BAIAP3: variants seen among roughly 807,000 people sequenced by gnomAD.
The protein encoded by BAIAP3 is BAI1 associated protein 3, also known as BAI1-associated protein 3.
BAIAP3 carries 180 observed loss-of-function variants against 149.7 expected under a neutral mutation model. The observed-to-expected ratio is 1.20, with a 90% CI of 1.07 to 1.36. BAIAP3 has a LOEUF of 1.36. Ranked by LOEUF, BAIAP3 falls within the 40% of genes most tolerant of loss-of-function variation. The probability of loss-of-function intolerance (pLI) is 0.00; values close to 1 mark genes in which losing one functional copy is unlikely to be tolerated. For synonymous variants in BAIAP3, 845 were observed against 670.7 expected (o/e 1.26, Z -4.02); for missense variants, 1,767 against 1,563.4 (o/e 1.13, Z -2.20).
intron 14 of BAIAP3, 110 bp from the exon 15 acceptor site, chr16:1,343,283 C>T (rs1443124816): frequency 6.9e-7 from 1 of 1,449,642 alleles, no homozygotes; most frequent in Non-Finnish European, 9.3e-7. Context: ...TGAGTAGGCG[C>T]GGCAGTGCTG....
chr16:1,340,061 A>ATG (rs2033786574), intron 5 of BAIAP3, among the ~76,000 whole-genome samples: 1 of 146,988 alleles, frequency 6.8e-6, no homozygotes, highest in African/African-American at 2.6e-5. Context: ...GTGCACACAG[A>ATG]CACGCACACA....
At chr16:1,345,632 ACCCCAGCCT>A (rs2034290213) in intron 22 of BAIAP3, 106 bp from the exon 23 acceptor site, 4 of 480,130 alleles carry the variant, frequency 8.3e-6, no homozygotes, top group Middle Eastern at 7.0e-4. Flanking sequence ...CTCCCCCACA[ACCCCAGCCT>A]CCCCGGCCTC....
intron 21 of BAIAP3, 33 bp from the exon 22 acceptor site, chr16:1,345,216 C>A: frequency 1.9e-6 from 3 of 1,611,014 alleles, no homozygotes; most frequent in South Asian, 1.1e-5. Flanking sequence ...GTGTCTGAGT[C>A]AGGGCCGAGC....
chr16:1,338,529 C>G lies in BAIAP3; in HGVS notation c.-10-11C>G, dbSNP rs759415446. The G allele has an allele frequency of 4.2e-6, 6 of 1,424,820 alleles. No individual in the cohort carries two copies. In the African/African-American group the frequency reaches 5.8e-5, roughly 14 times the overall value. 88.3% of individuals were successfully genotyped at this position (1,424,820 alleles called of 1,614,324 possible). On this transcript the variant is annotated splice_polypyrimidine_tract_variant and intron_variant, in intron 1 of 33. Coordinates refer to ENST00000426824, the MANE Select transcript of BAIAP3 (RefSeq NM_001199097.2). ...ACGACCTGAGGCTGCGGGCTGTGCT[C>G]TCTGCTGTAGGTCACCCGCCATGTC...
At chr16:1,348,067 C>T (rs771142751) in intron 32 of BAIAP3, 29 bp from the exon 33 acceptor site, 58 of 1,474,336 alleles carry the variant, frequency 3.9e-5, no homozygotes, top group South Asian at 3.9e-4. Flanking sequence ...GCTGCCGGAG[C>T]GAGACTCCCG....
Position 1,340,980 on chromosome 16 carries a change from A to AG in BAIAP3, c.468+1dup. The AG allele has an allele frequency of 6.3e-7, 1 of 1,598,238 alleles. No individual in the cohort carries two copies. The highest frequency in any genetic ancestry group is 8.5e-7 in the Non-Finnish European group (1 of 1,173,114). ...GCCATCGAGCGAGTGAGGAAGGCCAAGGTGAGGCCGCCACTGCCTGGGCAG... is the reference window on the plus strand; with the variant it reads ...GCCATCGAGCGAGTGAGGAAGGCCAAGGGTGAGGCCGCCACTGCCTGGGCAG... On this transcript the variant is annotated frameshift_variant and splice_region_variant, in exon 6 of 34. Transcript: ENST00000426824. LOFTEE classifies it high-confidence loss of function.
Position 1,348,307 on chromosome 16 carries a change from T to C in BAIAP3, c.3355+6T>C, listed in dbSNP as rs2034532441. On this transcript the variant is annotated splice_donor_region_variant and intron_variant, in intron 33 of 33. Transcript: ENST00000426824. ...GTGCCGGCCCAGAGCCCAGGGTGAG[T>C]GAGCATCTGGGTGGAGGCAGGGGCA... 1 of 1,601,714 alleles carries C rather than the reference T, an allele frequency of 6.2e-7. No homozygotes were observed. The highest frequency in any genetic ancestry group is 8.5e-7 in the Non-Finnish European group (1 of 1,174,496).
In BAIAP3 at chr16:1,346,009, C is replaced by T; in HGVS notation, c.2232C>T (p.Phe744=). The T allele has an allele frequency of 1.2e-6, 2 of 1,610,774 alleles. No homozygotes were observed. Among genetic ancestry groups the T allele is most frequent in the South Asian group, 1.1e-5 (1 of 90,678 alleles). ...LGQDVCEATL[F]YTELLRKKVD... is the part of the protein sequence containing the mutation. ...AGGACGTGTGTGAGGCCACCCTCTT[C>T]TATACGGAGCTGCTTCGGAAGAAGG... The change falls in exon 24 of 34, where the codon TTC becomes TTT. Residue 744 remains phenylalanine, a synonymous_variant. Transcript: ENST00000426824.
rs747166530 is a variant in BAIAP3, at chr16:1,347,624, A to T, written c.2903A>T (p.Gln968Leu). 6.2e-7 allele frequency: 1 copy of T among 1,612,976 alleles called. No homozygotes were observed. Among genetic ancestry groups the T allele is most frequent in the South Asian group, 1.1e-5 (1 of 91,088 alleles). ...IEQFYLDKLK[Q>L]RTLEQNRFGR... The stretch of plus-strand genomic sequence containing the variant: ...CAGTTCTACCTGGACAAGCTCAAAC[A>T]GGTAGGGAGGCGCCAGGGACAGGGT... Residue 968 changes from glutamine (Q) to leucine (L), a missense_variant and splice_region_variant, in exon 30 of 34, where the codon CAG (glutamine) becomes CTG (leucine). Gln to Leu is a moderately radical substitution (Grantham distance 113, BLOSUM62 -2). Coordinates refer to ENST00000426824, the MANE Select transcript of BAIAP3 (RefSeq NM_001199097.2).
rs995587972 is a variant in BAIAP3 at position 1,342,125 on chromosome 16, C to T, written c.855-56C>T. The stretch of plus-strand genomic sequence containing the variant: ...CCCTCAGCTTGGTCATGGGGCCCGG[C>T]GGGCAGTGGCTCCCCAGGAGCCATC... On this transcript the variant is annotated intron_variant, in intron 10 of 33. Transcript: ENST00000426824. 1.0e-5 allele frequency: 16 copies of T among 1,567,172 alleles called. No homozygotes were observed. The highest frequency in any genetic ancestry group is 3.5e-5 in the South Asian group (3 of 85,518).
In BAIAP3 at chr16:1,348,037, G is replaced by T; in HGVS notation, c.3149+20G>T. Reference sequence around the variant, plus strand: ...CTACTTGTGAGTGTCCTAAGCCCCAGCCCCAGCCCCAGGCTCCAGGCTGCC... The same window carrying T: ...CTACTTGTGAGTGTCCTAAGCCCCATCCCCAGCCCCAGGCTCCAGGCTGCC... On this transcript the variant is annotated intron_variant, in intron 32 of 33. Coordinates refer to ENST00000426824, the MANE Select transcript of BAIAP3 (RefSeq NM_001199097.2). The T allele has an allele frequency of 6.3e-7, 1 of 1,598,772 alleles. No individual in the cohort carries two copies.
At chr16:1,336,942 C>T (rs1454723438) in intron 1 of BAIAP3, among the ~76,000 whole-genome samples, 5 of 152,090 alleles carry the variant, frequency 3.3e-5, no homozygotes, top group Admixed American at 1.3e-4. Flanking sequence ...TGGGGGAGCG[C>T]GGTGTCCTAG....
intron 21 of BAIAP3, 66 bp downstream of exon 21, chr16:1,345,165 G>A (rs1596582995): frequency 6.2e-7 from 1 of 1,610,270 alleles, no homozygotes; most frequent in Non-Finnish European, 8.5e-7. Context: ...CCTGTGAGGG[G>A]GACGGTCCTG....
rs754808874 is a variant in BAIAP3 at position 1,348,447 on chromosome 16, A to G, written c.3424A>G (p.Lys1142Glu). 1.6e-5 allele frequency: 25 copies of G among 1,612,238 alleles called. No individual in the cohort carries two copies. The highest frequency in any genetic ancestry group is 1.7e-6 in the Non-Finnish European group (2 of 1,179,720). ...GGCGCAGGAGTTCGTGAAGAAACTC[A>G]AGGAGCTGGAGAAGTGCATGGAGGC... Reference protein sequence around the residue: ...KEAQEFVKKLKELEKCMEADP With the variant: ...KEAQEFVKKLEELEKCMEADP The change falls in exon 34 of 34, where the codon AAG becomes GAG. Residue 1142 changes from lysine (K) to glutamate (E), a missense_variant. By Grantham distance (56) the Lys-to-Glu change is moderately conservative. Transcript: ENST00000426824.
chr16:1,344,581 C>A lies in BAIAP3; in HGVS notation c.1660-20C>A, dbSNP rs761431017. 1.8e-5 allele frequency: 29 copies of A among 1,612,502 alleles called. 1 individual carries two copies. The highest frequency in any genetic ancestry group is 8.3e-5 in the Admixed American group (5 of 60,000). ...GGTACGGGCAGCCGAGAGGTGGGTA[C>A]GAGCTAGGCTTCCTTGCAGCCAGGA... On this transcript the variant is annotated intron_variant, in intron 18 of 33. Transcript: ENST00000426824.
rs1291939396 is a variant in BAIAP3, at chr16:1,344,235, G to A, written c.1520G>A (p.Gly507Asp). 2 of 1,613,342 alleles carry A rather than the reference G, an allele frequency of 1.2e-6. No homozygotes were observed. The highest frequency in any genetic ancestry group is 1.7e-6 in the Non-Finnish European group (2 of 1,179,954). ...GTGCTGCCCCCACCCAGGTGTCTGG[G>A]CAAGCTGCAGCTCTTCCAACCCTCC... ...HRLELLLKCL[G>D]KLQLFQPSFE... is the part of the protein sequence containing the mutation. Residue 507 changes from glycine (G) to aspartate (D), a missense_variant, in exon 17 of 34, where the codon GGC (glycine) becomes GAC (aspartate). Physicochemically the swap from Gly to Asp is moderately conservative, Grantham distance 94. Coordinates refer to ENST00000426824, the MANE Select transcript of BAIAP3 (RefSeq NM_001199097.2).
At chr16:1,336,684 C>G (rs759868730) in intron 1 of BAIAP3, among the ~76,000 whole-genome samples, 3 of 152,212 alleles carry the variant, frequency 2.0e-5, no homozygotes, top group Non-Finnish European at 4.4e-5. Flanking sequence ...CAGGCCCCCA[C>G]GCTGCCCACT....
At position 1,342,534 on chromosome 16, in the gene BAIAP3, C is replaced by G; in HGVS notation, c.965C>G (p.Pro322Arg). The G allele has an allele frequency of 6.4e-7, 1 of 1,552,130 alleles. No homozygotes were observed. Among genetic ancestry groups the G allele is most frequent in the South Asian group, 1.2e-5 (1 of 84,364 alleles). Reference sequence around the variant, plus strand: ...CCCCCATGCTACCCCCAGGAGGTGCCTGTGGCTGGCGTCGACCGCTGGTTC... The same window carrying G: ...CCCCCATGCTACCCCCAGGAGGTGCGTGTGGCTGGCGTCGACCGCTGGTTC... ...GCLNIPVREVPVAGVDRWFKL... is the reference protein window; with the variant it reads ...GCLNIPVREVRVAGVDRWFKL... Residue 322 changes from proline (P) to arginine (R), a missense_variant, in exon 12 of 34, where the codon CCT becomes CGT. By Grantham distance (103) the Pro-to-Arg change is moderately radical. Coordinates refer to ENST00000426824, the MANE Select transcript of BAIAP3 (RefSeq NM_001199097.2).
chr16:1,340,346 A>C (rs532740234), intron 5 of BAIAP3, among the ~76,000 whole-genome samples: 1 of 142,284 alleles, frequency 7.0e-6, no homozygotes, highest in Non-Finnish European at 1.5e-5. Flanking sequence ...GCACACAGAC[A>C]CACGCACACA....
Sources: gnomAD v4.1 joint callset for allele counts (sites outside exome capture counted in the v4.1 genomes callset) on GRCh38, gnomAD v4.1.1 for gene constraint, MANE v1.5 for transcripts, NCBI Gene and HGNC (gene_info 2026-07-23, HGNC 2026-07-21) for gene names.